Variants in NCOA2 observed in about 807,000 individuals in gnomAD.
NCOA2 encodes nuclear receptor coactivator 2.
A neutral mutation model predicts 145.1 loss-of-function variants in NCOA2; 21 were observed. That is an observed-to-expected ratio of 0.14 (90% CI 0.10 to 0.21). The LOEUF is 0.21. Among genes scored for constraint, NCOA2 ranks in the 10% least tolerant of loss-of-function variants. NCOA2 has a pLI of 1.00. For missense variants in NCOA2, 1,472 were observed against 1,837.6 expected, an observed-to-expected ratio of 0.80 and a Z score of 3.64; for synonymous variants, 619 against 637.5, an observed-to-expected ratio of 0.97 and a Z score of 0.44.
chr8:70,405,437 GTTTTT>G (rs34814735), upstream of NCOA2, among the ~76,000 whole-genome samples: 59 of 59,380 alleles, frequency 9.9e-4, no homozygotes, highest in African/African-American at 4.0e-3. Flanking sequence ...ATTTTTAAAG[GTTTTT>G]TTTTTTTTTT....
rs1391540926 is a variant in NCOA2, at chr8:70,403,680, C to A, written c.-77+20G>T. On this transcript the variant is annotated intron_variant, in intron 1 of 22. Coordinates refer to ENST00000452400, the MANE Select transcript of NCOA2 (RefSeq NM_006540.4). ...CCGCCCCCCGCCCGCCCTCGCGGCCCCGGGGGAAGGCGCGGTTACCGGCTC... is the reference window on the plus strand; with the variant it reads ...CCGCCCCCCGCCCGCCCTCGCGGCCACGGGGGAAGGCGCGGTTACCGGCTC... The A allele has an allele frequency of 7.8e-6, 3 of 385,540 alleles. No individual in the cohort carries two copies. Among genetic ancestry groups the A allele is most frequent in the Non-Finnish European group, 1.4e-5 (3 of 217,310 alleles). The allele number at this position is 385,540 out of a possible 1,614,324, so 23.9% of individuals were successfully genotyped here. A position where few individuals can be genotyped will look rare whatever the true frequency, so the allele number is the denominator to read the frequency against.
intron 1 of NCOA2, among the ~76,000 whole-genome samples, chr8:70,388,964 T>C (rs1411825804): frequency 6.6e-6 from 1 of 152,234 alleles, no homozygotes; most frequent in Non-Finnish European, 1.5e-5. Flanking sequence ...AGGGAAATAC[T>C]ACTCATTTTA....
At chr8:70,359,725 C>G (rs1810043570) in intron 1 of NCOA2, among the ~76,000 whole-genome samples, 1 of 152,282 alleles carries the variant, frequency 6.6e-6, no homozygotes, top group South Asian at 2.1e-4. Flanking sequence ...ATTAACTCAA[C>G]TTCACCTCAA....
chr8:70,167,168 AATT>A (rs1813708840), intron 6 of NCOA2, among the ~76,000 whole-genome samples: 1 of 152,184 alleles, frequency 6.6e-6, no homozygotes, highest in South Asian at 2.1e-4. Context: ...CTTGCATTCT[AATT>A]TTAGATAAGT....
intron 2 of NCOA2, among the ~76,000 whole-genome samples, chr8:70,226,066 G>T (rs1330057564): frequency 6.6e-6 from 1 of 151,598 alleles, no homozygotes; most frequent in African/African-American, 2.4e-5. Context: ...TAAATTGATG[G>T]TGAATTTGGA....
the NCOA2 span, among the ~76,000 whole-genome samples, chr8:70,432,865 C>A: frequency 6.6e-6 from 1 of 151,596 alleles, no homozygotes; most frequent in Admixed American, 6.6e-5. Context: ...GGTTAAAGCC[C>A]CAATATTTTA....
intron 2 of NCOA2, among the ~76,000 whole-genome samples, chr8:70,248,539 T>C (rs554413911): frequency 1.3e-5 from 2 of 152,198 alleles, no homozygotes; most frequent in African/African-American, 4.8e-5. Context: ...TCCATATTAC[T>C]GCATGGTCTT....
chr8:70,290,347 C>A (rs1231176783), intron 2 of NCOA2, among the ~76,000 whole-genome samples: 1 of 152,046 alleles, frequency 6.6e-6, no homozygotes, highest in Non-Finnish European at 1.5e-5. Context: ...TGCCACCACA[C>A]CCGGCTAATT....
intron 4 of NCOA2, among the ~76,000 whole-genome samples, chr8:70,179,511 A>G (rs1815241595): frequency 6.6e-6 from 1 of 152,188 alleles, no homozygotes; most frequent in African/African-American, 2.4e-5. Flanking sequence ...ATCTTGACAG[A>G]GCATTTCAGT....
At chr8:70,120,412 C>T (rs1807666530) in intron 22 of NCOA2, among the ~76,000 whole-genome samples, 1 of 151,934 alleles carries the variant, frequency 6.6e-6, no homozygotes, top group Admixed American at 6.6e-5. Context: ...ATGGTAATAT[C>T]ATTCTCTTTA....
At chr8:70,430,868 A>G in the NCOA2 span, among the ~76,000 whole-genome samples, 475 of 152,314 alleles carry the variant, frequency 3.1e-3, 5 homozygotes, top group Middle Eastern at 0.014. Flanking sequence ...TGAAGTAAAA[A>G]AGGTATGTTG....
chr8:70,124,111 T>C (rs1808138344), intron 20 of NCOA2, 29 bp from the exon 21 acceptor site: 5 of 1,597,752 alleles, frequency 3.1e-6, no homozygotes, highest in Non-Finnish European at 4.3e-6. Context: ...ATTGAATGAA[T>C]GTTACAGCTT....
At chr8:70,313,900 GC>G (rs1805327266) in intron 1 of NCOA2, among the ~76,000 whole-genome samples, 1 of 152,092 alleles carries the variant, frequency 6.6e-6, no homozygotes, top group Admixed American at 6.5e-5. Flanking sequence ...GCCGGGCAAG[GC>G]GGCTCACGCC....
intron 2 of NCOA2, among the ~76,000 whole-genome samples, chr8:70,239,464 ACTC>A (rs1474540882): frequency 6.6e-6 from 1 of 151,976 alleles, no homozygotes; most frequent in Non-Finnish European, 1.5e-5. Context: ...GTAGTACAAG[ACTC>A]CACTGCACTC....
At chr8:70,289,664 T>C (rs1280331574) in intron 2 of NCOA2, among the ~76,000 whole-genome samples, 2 of 152,102 alleles carry the variant, frequency 1.3e-5, no homozygotes, top group Non-Finnish European at 2.9e-5. Flanking sequence ...TCCTTAATTC[T>C]ACTTTTTAAA....
At chr8:70,341,088 A>G (rs896164583) in intron 1 of NCOA2, among the ~76,000 whole-genome samples, 2 of 150,372 alleles carry the variant, frequency 1.3e-5, no homozygotes, top group Non-Finnish European at 1.5e-5. Context: ...AGTTGAAAAA[A>G]AAAAAAAAAG....
chr8:70,266,767 C>T (rs1370586836), intron 2 of NCOA2, among the ~76,000 whole-genome samples: 3 of 152,182 alleles, frequency 2.0e-5, no homozygotes, highest in Non-Finnish European at 4.4e-5. Context: ...TTATTGGATG[C>T]CTAGCATGTG....
rs140071485 is a variant in NCOA2, at chr8:70,382,899, G to A, written c.-77+20801C>T. On this transcript the variant is annotated intron_variant, in intron 1 of 22. Coordinates refer to ENST00000452400, the MANE Select transcript of NCOA2 (RefSeq NM_006540.4). ...TTTCCTGCTAAAAGCTCAAATATGAGTTGATATGGCACATCACAAACTACA... is the reference window on the plus strand; with the variant it reads ...TTTCCTGCTAAAAGCTCAAATATGAATTGATATGGCACATCACAAACTACA... 6.6e-5 allele frequency among the ~76,000 whole-genome samples: 10 copies of A among 152,290 alleles called. No homozygotes were observed. The East Asian group carries it at 1.9e-3, about 29-fold the overall frequency.
At chr8:70,330,805 T>C (rs1234821448) in intron 1 of NCOA2, among the ~76,000 whole-genome samples, 5 of 152,224 alleles carry the variant, frequency 3.3e-5, no homozygotes, top group African/African-American at 1.2e-4. Flanking sequence ...AAAGTATGGC[T>C]GTGTGCAATA....
Sources: gnomAD v4.1 joint callset for allele counts (sites outside exome capture counted in the v4.1 genomes callset) on GRCh38, gnomAD v4.1.1 for gene constraint, MANE v1.5 for transcripts, NCBI Gene and HGNC (gene_info 2026-07-23, HGNC 2026-07-21) for gene names.